SLC75A1: variants seen among roughly 807,000 people sequenced by gnomAD.
SLC75A1 encodes the protein solute carrier family 75 member 1, also known as major facilitator superfamily domain containing 10.
the SLC75A1 span, chr4:2,932,122 G>C: frequency 6.2e-7 from 1 of 1,609,598 alleles, no homozygotes. Flanking sequence ...CAGATCAGCC[G>C]CATCACGGAA....
the SLC75A1 span, chr4:2,930,828 A>G: frequency 6.2e-7 from 1 of 1,612,730 alleles, no homozygotes; most frequent in Middle Eastern, 1.7e-4. Context: ...GCCTGGGCAC[A>G]GTGGCTCAGC....
the SLC75A1 span, chr4:2,933,735 C>T: frequency 2.6e-5 from 42 of 1,603,802 alleles, no homozygotes; most frequent in Non-Finnish European, 3.2e-5. Flanking sequence ...CACTGTGGGC[C>T]GCAGGGCAAG....
the SLC75A1 span, chr4:2,934,182 C>G: frequency 5.7e-5 from 31 of 546,172 alleles, no homozygotes; most frequent in East Asian, 9.5e-4. Flanking sequence ...CCTGAGAGAC[C>G]AGGGTGAGCA....
chr4:2,930,949 G>C, the SLC75A1 span: 1 of 1,613,090 alleles, frequency 6.2e-7, no homozygotes, highest in Non-Finnish European at 8.5e-7. Context: ...CGGCCAGCCA[G>C]TACACTGCGG....
chr4:2,933,368 G>C, the SLC75A1 span, among the ~76,000 whole-genome samples: 11 of 152,246 alleles, frequency 7.2e-5, no homozygotes, highest in Admixed American at 3.3e-4. Context: ...CCAATGGAGA[G>C]ATGAGGAAGG....
the SLC75A1 span, chr4:2,932,422 G>C: frequency 6.2e-7 from 1 of 1,613,610 alleles, no homozygotes; most frequent in African/African-American, 1.3e-5. Flanking sequence ...GCGAAGAGCA[G>C]GGCAAACCAG....
the SLC75A1 span, chr4:2,930,914 C>T: frequency 6.2e-7 from 1 of 1,613,084 alleles, no homozygotes; most frequent in South Asian, 1.1e-5. Flanking sequence ...GAGCCCGGAC[C>T]ACGTGGTGAA....
At chr4:2,931,922 G>A in the SLC75A1 span, 14 of 1,608,998 alleles carry the variant, frequency 8.7e-6, no homozygotes, top group East Asian at 1.3e-4. Context: ...CCCAGGCGGC[G>A]CAGGCTGCTG....
chr4:2,932,860 T>C, the SLC75A1 span: 4 of 1,417,454 alleles, frequency 2.8e-6, no homozygotes, highest in Non-Finnish European at 3.7e-6. Context: ...AACCCTGCCC[T>C]ATTTCGAAGC....
chr4:2,933,195 C>T, the SLC75A1 span: 1 of 1,613,514 alleles, frequency 6.2e-7, no homozygotes. Flanking sequence ...ACAGAGAATG[C>T]CGAGCCAATG....
At chr4:2,931,456 G>C in the SLC75A1 span, 1 of 1,570,152 alleles carries the variant, frequency 6.4e-7, no homozygotes, top group Non-Finnish European at 8.6e-7. Context: ...GGCACCAGCA[G>C]CAGGAGGGCC....
chr4:2,932,028 GT>G, the SLC75A1 span: 1 of 1,609,882 alleles, frequency 6.2e-7, no homozygotes, highest in East Asian at 2.2e-5. Context: ...CCACGCTTGG[GT>G]TGGTCGAGTC....
At chr4:2,932,611 T>G in the SLC75A1 span, 1 of 1,613,164 alleles carries the variant, frequency 6.2e-7, no homozygotes, top group Non-Finnish European at 8.5e-7. Flanking sequence ...ATGCCTTGAC[T>G]GCGGGCCAGA....
the SLC75A1 span, chr4:2,931,480 G>T: frequency 6.3e-7 from 1 of 1,581,078 alleles, no homozygotes; most frequent in East Asian, 2.3e-5. Context: ...AGGTGGGCAC[G>T]GCAGCCTCAG....
the SLC75A1 span, chr4:2,931,863 C>A: frequency 1.2e-6 from 2 of 1,610,014 alleles, no homozygotes; most frequent in Non-Finnish European, 1.7e-6. Context: ...GGAAGCTCAG[C>A]GTGTACTCCA....
chr4:2,930,586 A>G, the SLC75A1 span: 2 of 562,768 alleles, frequency 3.6e-6, no homozygotes, highest in South Asian at 4.4e-5. Flanking sequence ...CAGGTGCTTT[A>G]TTTCATCATC....
At chr4:2,933,894 G>C in the SLC75A1 span, 1 of 1,575,108 alleles carries the variant, frequency 6.3e-7, no homozygotes, top group Non-Finnish European at 8.6e-7. Flanking sequence ...GTGGGCGCGG[G>C]GTGCAGCCTC....
the SLC75A1 span, chr4:2,931,629 G>A: frequency 8.7e-6 from 14 of 1,613,578 alleles, no homozygotes; most frequent in Non-Finnish European, 1.2e-5. Context: ...GCCATGGTGA[G>A]GCCGATGAGG....
chr4:2,932,402 G>A, the SLC75A1 span: 7 of 1,613,634 alleles, frequency 4.3e-6, no homozygotes, highest in Admixed American at 3.3e-5. Flanking sequence ...TGAACAGCAG[G>A]TCGGAGGCTG....
Sources: gnomAD v4.1 joint callset for allele counts (sites outside exome capture counted in the v4.1 genomes callset) on GRCh38, gnomAD v4.1.1 for gene constraint, MANE v1.5 for transcripts, NCBI Gene and HGNC (gene_info 2026-07-23, HGNC 2026-07-21) for gene names.